DHRS7: variants seen among roughly 807,000 people sequenced by gnomAD.
DHRS7 encodes the protein dehydrogenase/reductase SDR family member 7.
In DHRS7, 34 loss-of-function variants were observed where a neutral mutation model predicts 38.9. That is an observed-to-expected ratio of 0.87 (90% CI 0.66 to 1.16). The LOEUF is 1.16. Among genes scored for constraint, DHRS7 ranks in the 50% most tolerant of loss-of-function variants. DHRS7 has a pLI of 0.00. For missense variants in DHRS7, 421 were observed against 407.0 expected (o/e 1.03, Z -0.30); for synonymous variants, 158 against 153.1 (o/e 1.03, Z -0.24).
At chr14:60,163,157 G>A (rs997508914) in intron 1 of DHRS7, among the ~76,000 whole-genome samples, 8 of 150,162 alleles carry the variant, frequency 5.3e-5, no homozygotes, top group African/African-American at 9.8e-5. Flanking sequence ...CCAACAGAGC[G>A]AGACTCTGTC....
At chr14:60,155,308 G>A (rs781189008) in intron 2 of DHRS7, among the ~76,000 whole-genome samples, 1 of 152,068 alleles carries the variant, frequency 6.6e-6, no homozygotes, top group Non-Finnish European at 1.5e-5. Context: ...AATTAGCTGG[G>A]TGTGGTGGTG....
In DHRS7 at chr14:60,150,186, C is replaced by T; in HGVS notation, c.635G>A (p.Gly212Asp). 2.1e-6 allele frequency: 3 copies of T among 1,432,410 alleles called. No homozygotes were observed. Among genetic ancestry groups the T allele is most frequent in the Non-Finnish European group, 2.7e-6 (3 of 1,101,066 alleles). The allele number at this position is 1,432,410 out of a possible 1,614,324, so 88.7% of individuals were successfully genotyped here. A position where few individuals can be genotyped will look rare whatever the true frequency, so the allele number is the denominator to read the frequency against. Residue 212 changes from glycine to aspartate, a missense_variant and splice_region_variant, in exon 5 of 7, where the codon GGT becomes GAT. Coordinates refer to ENST00000557185, the MANE Select transcript of DHRS7 (RefSeq NM_016029.4). ...GYCASKHALR[G>D]FFNGLRTELA... ...TTCTGTTCGAAGGCCATTAAAAAAACCCTAACAGACAAAAAAAAAAAAAAA... is the reference window on the plus strand; with the variant it reads ...TTCTGTTCGAAGGCCATTAAAAAAATCCTAACAGACAAAAAAAAAAAAAAA...
rs370934173 is a variant in DHRS7, at chr14:60,163,101, T to C, written c.133+2076A>G. 6.0e-4 allele frequency among the ~76,000 whole-genome samples: 91 copies of C among 150,710 alleles called. 3 individuals are homozygous for C. The Middle Eastern group carries it at 0.02, about 34-fold the overall frequency. ...AGGAGAATCACTTGAACCCAGGAGA[T>C]AGAGGTTGCAGTGAGCCAAGATCAT... On this transcript the variant is annotated intron_variant, in intron 1 of 6. Coordinates refer to ENST00000557185, the MANE Select transcript of DHRS7 (RefSeq NM_016029.4).
Position 60,145,049 on chromosome 14 carries a change from A to C in DHRS7, c.973-36T>G, listed in dbSNP as rs1363280921. On this transcript the variant is annotated intron_variant, in intron 6 of 6. Coordinates refer to ENST00000557185, the MANE Select transcript of DHRS7 (RefSeq NM_016029.4). The surrounding 1 kb of genome is among the most constrained non-coding windows in gnomAD (Gnocchi z 4.0). The stretch of plus-strand genomic sequence containing the variant: ...GGGACAGAAACATGGATCAGTACCT[A>C]CTCCTATTTACTCCAGTTTTTAACA... 5 of 1,365,312 alleles carry C rather than the reference A, an allele frequency of 3.7e-6. No individual in the cohort carries two copies. 84.6% of individuals were successfully genotyped at this position (1,365,312 alleles called of 1,614,324 possible). A position where few individuals can be genotyped will look rare whatever the true frequency, so the allele number is the denominator to read the frequency against.
At chr14:60,160,967 C>G (rs1350655915) in intron 1 of DHRS7, among the ~76,000 whole-genome samples, 2 of 152,172 alleles carry the variant, frequency 1.3e-5, no homozygotes, top group Non-Finnish European at 2.9e-5. Context: ...TATTTCTACT[C>G]AGCAGATTAA....
At chr14:60,168,255 T>C (rs555680388), upstream of DHRS7, among the ~76,000 whole-genome samples, 188 of 152,314 alleles carry the variant, frequency 1.2e-3, 2 homozygotes, top group Middle Eastern at 3.4e-3. Flanking sequence ...TTCCACAGTA[T>C]CTTGGGTCTC....
chr14:60,155,564 A>C (rs1275341055), intron 2 of DHRS7, among the ~76,000 whole-genome samples: 2 of 152,200 alleles, frequency 1.3e-5, no homozygotes, highest in Non-Finnish European at 1.5e-5. Context: ...AGCTAATTCC[A>C]TTCCTGTTCT....
In DHRS7 at chr14:60,153,934, T is replaced by C; in HGVS notation, c.393+25A>G. 1 of 1,591,414 alleles carries C rather than the reference T, an allele frequency of 6.3e-7. No homozygotes were observed. The highest frequency in any genetic ancestry group is 8.6e-7 in the Non-Finnish European group (1 of 1,159,478). On this transcript the variant is annotated intron_variant, in intron 3 of 6. Coordinates refer to ENST00000557185, the MANE Select transcript of DHRS7 (RefSeq NM_016029.4). The surrounding 1 kb of genome is among the most constrained non-coding windows in gnomAD (Gnocchi z 4.4). ...TTCTGCAGTTACTTCAAAGCAAGAC[T>C]ATATCAATATAAGATGCTACTTACT...
At position 60,165,296 on chromosome 14, in the gene DHRS7, A is replaced by G. The variant is rs112243953; in HGVS notation, c.14T>C (p.Leu5Pro). 350 of 1,593,004 alleles carry G rather than the reference A, an allele frequency of 2.2e-4. 4 individuals are homozygous for G. In the Middle Eastern group the frequency reaches 5.0e-3, roughly 23 times the overall value. Residue 5 changes from leucine (L) to proline (P), a missense_variant, in exon 1 of 7, where the codon CTG (leucine) becomes CCG (proline). Leu to Pro is a moderately conservative substitution (Grantham distance 98). Transcript: ENST00000557185. The surrounding 1 kb of genome is among the most constrained non-coding windows in gnomAD (Gnocchi z 4.6). The stretch of plus-strand genomic sequence containing the variant: ...GCACAGCACCAGCAGCCACAGCAGC[A>G]GCTCCCAGTTCATTGCGGCCGCGCA... MNWE[L>P]LLWLLVLCAL... is the part of the protein sequence containing the mutation.
Position 60,161,811 on chromosome 14 carries a change from G to A in DHRS7, c.133+3366C>T, listed in dbSNP as rs984601478. 1.3e-5 allele frequency among the ~76,000 whole-genome samples: 2 copies of A among 152,184 alleles called. No homozygotes were observed. Among genetic ancestry groups the A allele is most frequent in the African/African-American group, 4.8e-5 (2 of 41,452 alleles). ...ATTCAGTCACTGCAGTGTCCCCAGT[G>A]CCCCAGCACAGAGGCCGGCACATAC... On this transcript the variant is annotated intron_variant, in intron 1 of 6. Transcript: ENST00000557185. This position sits in a 1 kb window ranked among gnomAD's most constrained non-coding sequence, Gnocchi z 4.2.
rs1305626746 is a variant in DHRS7, at chr14:60,144,659, G to A, written c.*307C>T. Reference sequence around the variant, plus strand: ...TTGTTTATAAATTACCAAATCTGTGGTATTTTGTTATAGCAGCACAAATGG... The same window carrying A: ...TTGTTTATAAATTACCAAATCTGTGATATTTTGTTATAGCAGCACAAATGG... On this transcript the variant is annotated 3_prime_UTR_variant, in exon 7 of 7. Transcript: ENST00000557185. 8.5e-6 allele frequency: 2 copies of A among 235,756 alleles called. No individual in the cohort carries two copies. The highest frequency in any genetic ancestry group is 1.6e-5 in the Non-Finnish European group (2 of 123,746). The allele number at this position is 235,756 out of a possible 1,614,324, so 14.6% of individuals were successfully genotyped here. A position where few individuals can be genotyped will look rare whatever the true frequency, so the allele number is the denominator to read the frequency against.
intron 1 of DHRS7, among the ~76,000 whole-genome samples, chr14:60,164,572 TA>T (rs1896828952): frequency 6.6e-6 from 1 of 152,192 alleles, no homozygotes; most frequent in Non-Finnish European, 1.5e-5. Flanking sequence ...AAGACACAGA[TA>T]AAGTGAGATA....
At chr14:60,156,589 G>T (rs1896665207) in intron 1 of DHRS7, among the ~76,000 whole-genome samples, 1 of 152,180 alleles carries the variant, frequency 6.6e-6, no homozygotes, top group Non-Finnish European at 1.5e-5. Flanking sequence ...ATGGCTGAAG[G>T]TCACATCCAG....
At chr14:60,167,577 G>A (rs574831602), upstream of DHRS7, among the ~76,000 whole-genome samples, 42 of 152,346 alleles carry the variant, frequency 2.8e-4, no homozygotes, top group Non-Finnish European at 4.7e-4. Context: ...AGGCAGTTGT[G>A]CGTAAGCAAT....
rs759301593 is a variant in DHRS7, at chr14:60,144,806, ATTAT to A, written c.*156_*159del. 1.1e-5 allele frequency: 7 copies of A among 653,240 alleles called. No homozygotes were observed. In the African/African-American group the frequency reaches 1.1e-4, roughly 10 times the overall value. 40.5% of individuals were successfully genotyped at this position (653,240 alleles called of 1,614,324 possible). On this transcript the variant is annotated 3_prime_UTR_variant, in exon 7 of 7. Transcript: ENST00000557185. The stretch of plus-strand genomic sequence containing the variant: ...TTTGCAAGATTCATGGCAATCTTTT[ATTAT>A]TTATTTTTTATTTCATTCCATGTTG...
At position 60,153,362 on chromosome 14, in the gene DHRS7, C is replaced by T. The variant is rs370664726; in HGVS notation, c.394-184G>A. ...GAATTTACCTGTGGAATTAAATTCC[C>T]GTTTTAGGTGACTTTTTGTGAAAGT... is the stretch of plus-strand genomic sequence containing the variant. On this transcript the variant is annotated intron_variant, in intron 3 of 6. Coordinates refer to ENST00000557185, the MANE Select transcript of DHRS7 (RefSeq NM_016029.4). The surrounding 1 kb of genome is among the most constrained non-coding windows in gnomAD (Gnocchi z 4.4). Among the ~76,000 whole-genome samples the T allele has an allele frequency of 2.6e-4, 40 of 151,996 alleles. No homozygotes were observed. The highest frequency in any genetic ancestry group is 1.9e-3 in the East Asian group (10 of 5,182).
intron 1 of DHRS7, among the ~76,000 whole-genome samples, chr14:60,157,737 G>C (rs1419395377): frequency 1.4e-5 from 2 of 144,918 alleles, no homozygotes; most frequent in Non-Finnish European, 3.0e-5. Context: ...TATTGAAAAG[G>C]CTCCATAAAT....
intron 1 of DHRS7, among the ~76,000 whole-genome samples, chr14:60,163,089 G>C (rs915827648): frequency 2.6e-5 from 4 of 151,492 alleles, no homozygotes; most frequent in Non-Finnish European, 5.9e-5. Flanking sequence ...AGAATCACTT[G>C]AACCCAGGAG....
chr14:60,149,124 C>T, intron 6 of DHRS7: 3 of 506,386 alleles, frequency 5.9e-6, no homozygotes, highest in South Asian at 4.2e-5. Flanking sequence ...AGGCATGCAC[C>T]ACCATGCCCA....
Sources: gnomAD v4.1 joint callset for allele counts (sites outside exome capture counted in the v4.1 genomes callset) on GRCh38, gnomAD v4.1.1 for gene constraint, Gnocchi (gnomAD v3.1) non-coding constraint, MANE v1.5 for transcripts, NCBI Gene and HGNC (gene_info 2026-07-23, HGNC 2026-07-21) for gene names.